CACNA1B: variants seen among roughly 807,000 people sequenced by gnomAD.
CACNA1B encodes calcium voltage-gated channel subunit alpha1 B, also known as voltage-dependent N-type calcium channel subunit alpha-1B.
Under a neutral mutation model 247.2 loss-of-function variants are expected in CACNA1B, and 70 were observed. That is an observed-to-expected ratio of 0.28 (90% CI 0.23 to 0.35). CACNA1B has a LOEUF of 0.35. Ranked by LOEUF, CACNA1B falls within the 10% of genes least tolerant of loss-of-function variation. CACNA1B has a pLI of 1.00. For missense variants in CACNA1B, 2,367 were observed against 3,197.4 expected (o/e 0.74, Z 6.26); for synonymous variants, 1,231 against 1,294.4 (o/e 0.95, Z 1.05).
Position 137,913,367 on chromosome 9 carries a change from G to A in CACNA1B, c.622+96G>A, listed in dbSNP as rs1181889156. The A allele has an allele frequency of 2.1e-6, 2 of 971,870 alleles. No homozygotes were observed. The highest frequency in any genetic ancestry group is 1.6e-5 in the African/African-American group (1 of 61,948). 60.2% of individuals were successfully genotyped at this position (971,870 alleles called of 1,614,324 possible). ...TGGCCATGGCCATGGTTTGGCTTTG[G>A]TGACTCTGAGCTTGCCACTTTTGAC... On this transcript the variant is annotated intron_variant, in intron 4 of 46. Transcript: ENST00000371372. The surrounding 1 kb of genome is among the most constrained non-coding windows in gnomAD (Gnocchi z 5.2).
intron 36 of CACNA1B, among the ~76,000 whole-genome samples, chr9:138,082,758 A>G (rs1364477455): frequency 6.6e-6 from 1 of 151,302 alleles, no homozygotes; most frequent in African/African-American, 2.4e-5. Flanking sequence ...CTGACCTTCC[A>G]CCTAGTGCTT....
At chr9:138,036,204 A>G (rs1959042420) in intron 20 of CACNA1B, among the ~76,000 whole-genome samples, 1 of 151,978 alleles carries the variant, frequency 6.6e-6, no homozygotes, top group African/African-American at 2.4e-5. Flanking sequence ...CAGTGGCGCA[A>G]TCTTGGCTCA....
intron 40 of CACNA1B, 71 bp from the exon 41 acceptor site, chr9:138,114,307 T>C: frequency 2.6e-6 from 2 of 780,822 alleles, no homozygotes; most frequent in South Asian, 1.5e-5. Context: ...TTCCTCACCT[T>C]ACTTCCATAC....
In CACNA1B at chr9:138,084,900, C is replaced by T. The variant is rs866631868; in HGVS notation, c.5094+6642C>T. 2.8e-4 allele frequency among the ~76,000 whole-genome samples: 42 copies of T among 148,424 alleles called. 1 individual carries two copies. Among genetic ancestry groups the T allele is most frequent in the African/African-American group, 1.0e-3 (40 of 39,644 alleles). On this transcript the variant is annotated intron_variant, in intron 36 of 46. Transcript: ENST00000371372. ...CTGGGAGGCGGAGCTTGTAGTGAGC[C>T]GAGATCACGCCACTGCACTCCAGCC...
intron 6 of CACNA1B, among the ~76,000 whole-genome samples, chr9:137,941,112 G>A (rs935333294): frequency 1.7e-4 from 26 of 152,176 alleles, no homozygotes; most frequent in African/African-American, 6.3e-4. Flanking sequence ...TTGGGAAAGA[G>A]GAAGTCAGAC....
rs1589001176 is a variant in CACNA1B, at chr9:137,913,162, T to C, written c.531-18T>C. 6.2e-7 allele frequency: 1 copy of C among 1,608,806 alleles called. No homozygotes were observed. Among genetic ancestry groups the C allele is most frequent in the Non-Finnish European group, 8.5e-7 (1 of 1,175,428 alleles). On this transcript the variant is annotated intron_variant, in intron 3 of 46. Coordinates refer to ENST00000371372, the MANE Select transcript of CACNA1B (RefSeq NM_000718.4). The surrounding 1 kb of genome is among the most constrained non-coding windows in gnomAD (Gnocchi z 5.2). ...ATGTGGAAACCTTTACTTCCCTTCT[T>C]CTCCTTGTTTCTGCCAGGATCCTTG...
At chr9:138,037,614 G>A (rs186526526) in intron 20 of CACNA1B, among the ~76,000 whole-genome samples, 6 of 151,954 alleles carry the variant, frequency 3.9e-5, no homozygotes, top group South Asian at 4.2e-4. Flanking sequence ...AGCTGAGATC[G>A]CGCCATTTCA....
rs1288532194 is a variant in CACNA1B at position 137,886,108 on chromosome 9, G to A, written c.530+3225G>A. ...GGCCGTCTCCTGTGGTCGTCTGAGT[G>A]GATCATTTGCCAAGAGAGATTCTGG... is the stretch of plus-strand genomic sequence containing the variant. On this transcript the variant is annotated intron_variant, in intron 3 of 46. Coordinates refer to ENST00000371372, the MANE Select transcript of CACNA1B (RefSeq NM_000718.4). Among the ~76,000 whole-genome samples the A allele has an allele frequency of 2.0e-5, 3 of 151,838 alleles. 1 individual carries two copies. The highest frequency in any genetic ancestry group is 4.4e-5 in the Non-Finnish European group (3 of 67,896).
At chr9:137,908,342 C>T (rs1468561577) in intron 3 of CACNA1B, among the ~76,000 whole-genome samples, 1 of 151,954 alleles carries the variant, frequency 6.6e-6, no homozygotes, top group Non-Finnish European at 1.5e-5. Flanking sequence ...ATGGTGGAAC[C>T]CCGTCTCTAA....
chr9:138,032,375 T>C (rs762663979), intron 20 of CACNA1B, among the ~76,000 whole-genome samples: 9 of 152,188 alleles, frequency 5.9e-5, no homozygotes, highest in Admixed American at 3.3e-4. Context: ...CATCAGAGTA[T>C]GTTATAATTT....
Position 137,986,623 on chromosome 9 carries a change from G to C in CACNA1B, c.1901+79G>C, listed in dbSNP as rs376453406. The C allele has an allele frequency of 8.3e-6, 13 of 1,559,740 alleles. No homozygotes were observed. Among genetic ancestry groups the C allele is most frequent in the South Asian group, 1.1e-5 (1 of 89,162 alleles). On this transcript the variant is annotated intron_variant, in intron 14 of 46. Transcript: ENST00000371372. The surrounding 1 kb of genome is among the most constrained non-coding windows in gnomAD (Gnocchi z 6.0). ...GCTCAGAGCAGACGGTGCCGCCCAG[G>C]CTGCCTCCACCCACCTTCCCACCAG...
rs550296654 is a variant in CACNA1B at position 137,914,465 on chromosome 9, C to G, written c.623-189C>G. 2.6e-5 allele frequency among the ~76,000 whole-genome samples: 4 copies of G among 152,272 alleles called. No homozygotes were observed. The East Asian group carries it at 7.7e-4, about 29-fold the overall frequency. ...TTTGTCCCTAGGACTCTCAGCTCTG[C>G]CCTACACAAGCACTCTCTGCCCCTC... On this transcript the variant is annotated intron_variant, in intron 4 of 46. Transcript: ENST00000371372. This position sits in a 1 kb window ranked among gnomAD's most constrained non-coding sequence, Gnocchi z 4.3.
At chr9:138,026,647 G>A (rs1958924100) in intron 20 of CACNA1B, among the ~76,000 whole-genome samples, 1 of 152,126 alleles carries the variant, frequency 6.6e-6, no homozygotes, top group African/African-American at 2.4e-5. Flanking sequence ...TGTCTTTTGG[G>A]CATACCACAG....
At chr9:138,060,428 G>A (rs1278271751) in intron 31 of CACNA1B, among the ~76,000 whole-genome samples, 1 of 152,186 alleles carries the variant, frequency 6.6e-6, no homozygotes, top group Admixed American at 6.5e-5. Context: ...GAAATGGGTG[G>A]GAAGAGAAGG....
Position 137,984,213 on chromosome 9 carries a change from C to G in CACNA1B, c.1732C>G (p.Arg578Gly). Residue 578 changes from arginine (R) to glycine (G), a missense_variant, in exon 13 of 47, where the codon CGG becomes GGG. By Grantham distance (125) the Arg-to-Gly change is moderately radical. This residue lies in a region of CACNA1B where 219 missense variants were observed against 297.6 expected (regional missense o/e 0.74). Transcript: ENST00000371372. ...PGSSFGISVL[R>G]ALRLLRIFKV... ...AAGCTCCTTTGGGATCAGTGTGCTG[C>G]GGGCCCTCCGCCTGCTGAGGATCTT... The G allele has an allele frequency of 6.2e-7, 1 of 1,601,394 alleles. No individual in the cohort carries two copies. Among genetic ancestry groups the G allele is most frequent in the Non-Finnish European group, 8.5e-7 (1 of 1,174,418 alleles).
intron 23 of CACNA1B, 149 bp from the exon 24 acceptor site, chr9:138,049,060 G>T (rs1959208921): frequency 6.1e-6 from 4 of 650,796 alleles, no homozygotes; most frequent in South Asian, 5.3e-5. Context: ...TCACCATGTT[G>T]CCCTGGCTGG....
chr9:138,087,713 CAAAAAAAA>C (rs57138546), intron 36 of CACNA1B, among the ~76,000 whole-genome samples: 1 of 35,456 alleles, frequency 2.8e-5, no homozygotes, highest in East Asian at 7.3e-4. Context: ...GACTCCGTCT[CAAAAAAAA>C]AAAAAAAAAA....
chr9:138,038,434 C>G (rs1003501636), intron 20 of CACNA1B, among the ~76,000 whole-genome samples: 2 of 152,234 alleles, frequency 1.3e-5, no homozygotes, highest in African/African-American at 2.4e-5. Context: ...CCCCCCCACC[C>G]CTGTACTCTG....
chr9:137,914,784 G>A lies in CACNA1B; in HGVS notation c.753G>A (p.Lys251=), dbSNP rs1170619357. The change falls in exon 5 of 47, where the codon AAG becomes AAA. Residue 251 remains lysine, a synonymous_variant. Coordinates refer to ENST00000371372, the MANE Select transcript of CACNA1B (RefSeq NM_000718.4). The surrounding 1 kb of genome is among the most constrained non-coding windows in gnomAD (Gnocchi z 4.3). ...AGTTCTACATGGGCAAGTTCCACAAGGCCTGTTTCCCCAACAGCACAGGTG... is the reference window on the plus strand; with the variant it reads ...AGTTCTACATGGGCAAGTTCCACAAAGCCTGTTTCCCCAACAGCACAGGTG... The part of the protein sequence containing the change: ...GLEFYMGKFH[K]ACFPNSTDAE... 2 of 1,613,952 alleles carry A rather than the reference G, an allele frequency of 1.2e-6. No individual in the cohort carries two copies. Among genetic ancestry groups the A allele is most frequent in the East Asian group, 4.5e-5 (2 of 44,876 alleles).
Sources: gnomAD v4.1 joint callset for allele counts (sites outside exome capture counted in the v4.1 genomes callset) on GRCh38, gnomAD v4.1.1 for gene constraint, gnomAD v4.1.1 regional missense constraint, Gnocchi (gnomAD v3.1) non-coding constraint, MANE v1.5 for transcripts, NCBI Gene and HGNC (gene_info 2026-07-23, HGNC 2026-07-21) for gene names.